The following PCDH15 variants were observed in gnomAD, a reference collection of about 807,000 sequenced individuals.
The protein encoded by PCDH15 is protocadherin related 15, also known as protocadherin-15.
In PCDH15, 129 loss-of-function variants were observed where a neutral mutation model predicts 178.5. The ratio of observed to expected loss-of-function variants is 0.72; its 90% confidence interval spans 0.63 to 0.84. The LOEUF is 0.84. PCDH15 is among the 40% of genes least tolerant of loss of function. The pLI, the probability that PCDH15 is intolerant of heterozygous loss-of-function variation, is 0.00. For synonymous variants in PCDH15, 800 were observed against 732.0 expected (o/e 1.09, Z -1.50); for missense variants, 2,230 against 2,099.9 (o/e 1.06, Z -1.21).
intron 1 of PCDH15, among the ~76,000 whole-genome samples, chr10:54,759,905 T>G (rs931293502): frequency 6.6e-6 from 1 of 152,164 alleles, no homozygotes; most frequent in Non-Finnish European, 1.5e-5. Flanking sequence ...AAAACAGTCT[T>G]GGGTTACAGG....
chr10:54,730,901 A>T (rs879730681), intron 1 of PCDH15, among the ~76,000 whole-genome samples: 5 of 151,464 alleles, frequency 3.3e-5, no homozygotes, highest in African/African-American at 9.7e-5. Context: ...AAAGCAAAAT[A>T]TAGACATATG....
intron 2 of PCDH15, among the ~76,000 whole-genome samples, chr10:55,072,937 G>C (rs1305700703): frequency 6.7e-6 from 1 of 150,370 alleles, no homozygotes; most frequent in Non-Finnish European, 1.5e-5. Context: ...TGCAAGGCTG[G>C]TTCAATATAC....
intron 8 of PCDH15, among the ~76,000 whole-genome samples, chr10:54,302,528 C>T (rs1049492370): frequency 2.6e-5 from 4 of 152,114 alleles, no homozygotes; most frequent in African/African-American, 9.7e-5. Context: ...TCGCACATTC[C>T]ACTATTTGAG....
intron 7 of PCDH15, among the ~76,000 whole-genome samples, chr10:54,326,896 T>C (rs1938249635): frequency 6.6e-6 from 1 of 152,186 alleles, no homozygotes; most frequent in African/African-American, 2.4e-5. Flanking sequence ...TAACATTTCA[T>C]TGTGTACTGT....
intron 1 of PCDH15, among the ~76,000 whole-genome samples, chr10:55,172,431 A>T (rs1474109981): frequency 2.0e-5 from 3 of 151,172 alleles, no homozygotes; most frequent in African/African-American, 7.3e-5. Context: ...CAGCTAAGAG[A>T]ACAGTGTTTT....
chr10:55,104,893 C>A (rs113641914), intron 2 of PCDH15, among the ~76,000 whole-genome samples: 35 of 152,248 alleles, frequency 2.3e-4, no homozygotes, highest in African/African-American at 7.5e-4. Flanking sequence ...ACTGTGATAT[C>A]CAGTTTACTG....
chr10:54,393,678 A>C (rs1950830995), intron 3 of PCDH15, among the ~76,000 whole-genome samples: 1 of 152,198 alleles, frequency 6.6e-6, no homozygotes, highest in Admixed American at 6.5e-5. Flanking sequence ...CTTAACAAGA[A>C]CTTGGAACAA....
chr10:54,588,255 C>T (rs7089865), intron 2 of PCDH15, among the ~76,000 whole-genome samples: 138,545 of 152,208 alleles, frequency 0.91, 63,687 homozygotes, highest in Non-Finnish European at 0.98. Flanking sequence ...GTTTCTGTAT[C>T]GTCTTTCTAA....
intron 2 of PCDH15, among the ~76,000 whole-genome samples, chr10:54,913,334 C>A (rs1954849410): frequency 6.6e-6 from 1 of 152,166 alleles, no homozygotes; most frequent in Non-Finnish European, 1.5e-5. Flanking sequence ...ATCGCAGCCA[C>A]TCCAGGTCCA....
intron 8 of PCDH15, among the ~76,000 whole-genome samples, chr10:54,278,574 G>A (rs1365069577): frequency 6.6e-6 from 1 of 151,432 alleles, no homozygotes; most frequent in African/African-American, 2.4e-5. Flanking sequence ...TGAAAGTACA[G>A]AGAAAAAAAT....
intron 3 of PCDH15, among the ~76,000 whole-genome samples, chr10:54,852,423 A>G (rs1953639230): frequency 6.6e-6 from 1 of 152,160 alleles, no homozygotes; most frequent in Non-Finnish European, 1.5e-5. Context: ...ATATGAGATT[A>G]TGGAGGATGT....
intron 2 of PCDH15, among the ~76,000 whole-genome samples, chr10:54,585,979 G>T (rs567243123): frequency 6.6e-6 from 1 of 152,086 alleles, no homozygotes; most frequent in African/African-American, 2.4e-5. Flanking sequence ...AGCCCTGCCC[G>T]AGAAGGGACA....
chr10:54,282,627 A>G (rs1431916576), intron 8 of PCDH15, among the ~76,000 whole-genome samples: 1 of 152,070 alleles, frequency 6.6e-6, no homozygotes, highest in Non-Finnish European at 1.5e-5. Flanking sequence ...TGAGATTTAA[A>G]CTAATAGAGG....
intron 2 of PCDH15, among the ~76,000 whole-genome samples, chr10:55,529,274 C>T (rs9663174): frequency 0.74 from 113,215 of 152,034 alleles, 43,003 homozygotes; most frequent in East Asian, 0.94. Context: ...GTCATTGCTT[C>T]TGGTGTTTTA....
chr10:54,240,716 C>G (rs1422772604), intron 8 of PCDH15, among the ~76,000 whole-genome samples: 1 of 143,892 alleles, frequency 6.9e-6, no homozygotes, highest in Non-Finnish European at 1.5e-5. Flanking sequence ...ACTGCAAGCT[C>G]CGCCTCCCGG....
At chr10:55,431,435 T>A (rs1838877892) in intron 2 of PCDH15, among the ~76,000 whole-genome samples, 1 of 152,132 alleles carries the variant, frequency 6.6e-6, no homozygotes, top group African/African-American at 2.4e-5. Flanking sequence ...TTGTGTTTCT[T>A]AAAAATTACA....
In PCDH15 at chr10:55,236,437, T is replaced by C. The variant is rs550039450; in HGVS notation, c.-155-69786A>G. 1.2e-4 allele frequency among the ~76,000 whole-genome samples: 18 copies of C among 152,176 alleles called. No homozygotes were observed. The South Asian group carries it at 1.2e-3, about 11-fold the overall frequency. On this transcript the variant is annotated intron_variant, in intron 1 of 5. Coordinates refer to the PCDH15 transcript ENST00000458638. ...ACACCCTTCACCATCATAATACAAG[T>C]GGTTTGATTCTTAATTGCTCAGTTA...
rs1841260686 is a variant in PCDH15, at chr10:55,232,705, A to T, written c.-155-66054T>A. 2.0e-5 allele frequency among the ~76,000 whole-genome samples: 3 copies of T among 152,106 alleles called. No individual in the cohort carries two copies. The South Asian group carries it at 6.2e-4, about 31-fold the overall frequency. On this transcript the variant is annotated intron_variant, in intron 1 of 5. Transcript: ENST00000458638. ...TCAAAGCCAGCTGCCATGTCAGTAG[A>T]TGTCTAATGGGAAGTCCCATACATA...
chr10:54,823,846 C>G (rs1953085767), intron 3 of PCDH15, among the ~76,000 whole-genome samples: 1 of 151,854 alleles, frequency 6.6e-6, no homozygotes, highest in South Asian at 2.1e-4. Flanking sequence ...ATCATACAAC[C>G]CAAGAAATAA....
Sources: gnomAD v4.1 joint callset for allele counts (sites outside exome capture counted in the v4.1 genomes callset) on GRCh38, gnomAD v4.1.1 for gene constraint, MANE v1.5 for transcripts, NCBI Gene and HGNC (gene_info 2026-07-23, HGNC 2026-07-21) for gene names.